The following WWTR1 variants were observed in gnomAD, a reference collection of about 807,000 sequenced individuals.
WWTR1 encodes the protein WW domain containing transcription regulator 1.
In WWTR1, 13 loss-of-function variants were observed where a neutral mutation model predicts 40.1. The observed-to-expected ratio is 0.32, with a 90% CI of 0.21 to 0.52. The LOEUF is 0.52. WWTR1 is among the 20% of genes least tolerant of loss of function. The pLI, the probability that WWTR1 is intolerant of heterozygous loss-of-function variation, is 0.97. For missense variants in WWTR1, 436 were observed against 523.1 expected (o/e 0.83, Z 1.63); for synonymous variants, 230 against 210.1 (o/e 1.09, Z -0.82).
At chr3:149,547,792 C>G (rs1480770189) in intron 3 of WWTR1, among the ~76,000 whole-genome samples, 2 of 148,944 alleles carry the variant, frequency 1.3e-5, no homozygotes, top group African/African-American at 4.9e-5. Context: ...TTATCTTTTT[C>G]TTTTTCATTG....
chr3:149,664,589 CTT>C (rs71916474), intron 2 of WWTR1, among the ~76,000 whole-genome samples: 17 of 139,744 alleles, frequency 1.2e-4, no homozygotes, highest in Non-Finnish European at 9.4e-5. Flanking sequence ...AAGGCACTAT[CTT>C]TTTTTTTTTT....
intron 5 of WWTR1, among the ~76,000 whole-genome samples, chr3:149,711,678 A>C (rs1677982377): frequency 6.6e-6 from 1 of 152,042 alleles, no homozygotes; most frequent in Admixed American, 6.6e-5. Context: ...TTTTCATCTC[A>C]CCTATTTTAT....
At chr3:149,524,327 G>GTTTTTTTT (rs3044124) in intron 6 of WWTR1, among the ~76,000 whole-genome samples, 1 of 139,292 alleles carries the variant, frequency 7.2e-6, no homozygotes, top group Admixed American at 7.3e-5. Context: ...CTCTTTTATG[G>GTTTTTTTT]TTTTTTTTTT....
chr3:149,721,732 C>A (rs1364803895), intron 4 of WWTR1, among the ~76,000 whole-genome samples: 3 of 151,976 alleles, frequency 2.0e-5, no homozygotes, highest in Non-Finnish European at 4.4e-5. Flanking sequence ...AGATCCAGGG[C>A]TTTTCTTTTC....
intron 2 of WWTR1, among the ~76,000 whole-genome samples, chr3:149,574,318 G>A (rs1190985250): frequency 6.6e-6 from 1 of 152,072 alleles, no homozygotes; most frequent in Admixed American, 6.6e-5. Context: ...GGGATTACAG[G>A]CACAAGCCAC....
At chr3:149,588,015 T>C (rs539889365) in intron 2 of WWTR1, among the ~76,000 whole-genome samples, 32 of 152,212 alleles carry the variant, frequency 2.1e-4, no homozygotes, top group Non-Finnish European at 4.1e-4. Flanking sequence ...AAAGCTTTTA[T>C]TCCCAGAAAA....
At chr3:149,717,323 A>AAAAC (rs892453355) in intron 5 of WWTR1, 4 of 152,256 alleles carry the variant, frequency 2.6e-5, no homozygotes, top group South Asian at 2.1e-4. Context: ...AAAAGTTAGC[A>AAAAC]AAACAAACAA....
At chr3:149,534,867 G>A (rs1435607540) in intron 4 of WWTR1, among the ~76,000 whole-genome samples, 1 of 152,168 alleles carries the variant, frequency 6.6e-6, no homozygotes, top group Non-Finnish European at 1.5e-5. Context: ...GTGTAAAATA[G>A]CTGAAGAAGT....
At chr3:149,575,571 T>A (rs1261118663) in intron 2 of WWTR1, among the ~76,000 whole-genome samples, 2 of 152,210 alleles carry the variant, frequency 1.3e-5, no homozygotes, top group Admixed American at 1.3e-4. Flanking sequence ...CGGTGAGATG[T>A]GGAAATATAC....
At chr3:149,584,911 C>A (rs1164236136) in intron 2 of WWTR1, among the ~76,000 whole-genome samples, 1 of 152,038 alleles carries the variant, frequency 6.6e-6, no homozygotes, top group Non-Finnish European at 1.5e-5. Context: ...AGCACAGTGC[C>A]GGATATGCAT....
chr3:149,621,152 C>T (rs1740247313), intron 2 of WWTR1, among the ~76,000 whole-genome samples: 1 of 152,154 alleles, frequency 6.6e-6, no homozygotes, highest in Admixed American at 6.5e-5. Flanking sequence ...TTGAAGTATA[C>T]TAAATATGGC....
chr3:149,698,392 A>G (rs972278812), intron 1 of WWTR1, among the ~76,000 whole-genome samples: 1 of 152,224 alleles, frequency 6.6e-6, no homozygotes, highest in Admixed American at 6.5e-5. Context: ...CACTTCTGCC[A>G]TGATTGTAAG....
intron 2 of WWTR1, among the ~76,000 whole-genome samples, chr3:149,580,343 C>T (rs556235585): frequency 4.3e-4 from 65 of 152,206 alleles, no homozygotes; most frequent in Non-Finnish European, 8.5e-4. Flanking sequence ...CTTACTAATT[C>T]TCCCAGGCCC....
At chr3:149,633,131 G>A (rs1392589188) in intron 2 of WWTR1, among the ~76,000 whole-genome samples, 1 of 152,242 alleles carries the variant, frequency 6.6e-6, no homozygotes, top group Non-Finnish European at 1.5e-5. Context: ...GCTCACGTCT[G>A]TAATCCCAGC....
upstream of WWTR1, among the ~76,000 whole-genome samples, chr3:149,662,308 T>C (rs544636742): frequency 6.6e-6 from 1 of 152,288 alleles, no homozygotes; most frequent in East Asian, 1.9e-4. Flanking sequence ...TGTGATACTT[T>C]TTGTCTGACT....
intron 1 of WWTR1, among the ~76,000 whole-genome samples, chr3:149,679,778 T>C (rs1413408629): frequency 6.6e-6 from 1 of 152,078 alleles, no homozygotes; most frequent in Admixed American, 6.6e-5. Flanking sequence ...GGTGGAATAA[T>C]GATATACTTT....
intron 2 of WWTR1, among the ~76,000 whole-genome samples, chr3:149,587,459 A>G (rs1738482574): frequency 6.6e-6 from 1 of 152,218 alleles, no homozygotes. Context: ...AAGCGCCGGC[A>G]GATGATTCCT....
rs10718466 is a variant in WWTR1 at position 149,638,639 on chromosome 3, T to TA, written c.431+18236dup. ...TCTCTCCATCCTTCTTAGTGTAAGTTAAAAAAAAAAAATCAATGCCGCAAG... is the reference window on the plus strand; with the variant it reads ...TCTCTCCATCCTTCTTAGTGTAAGTTAAAAAAAAAAAAATCAATGCCGCAAG... On this transcript the variant is annotated intron_variant, in intron 2 of 6. Coordinates refer to ENST00000360632, the MANE Select transcript of WWTR1 (RefSeq NM_015472.6). Among the ~76,000 whole-genome samples the TA allele has an allele frequency of 1.2e-3, 173 of 146,642 alleles. No individual in the cohort carries two copies. The South Asian group carries it at 0.015, about 13-fold the overall frequency.
chr3:149,620,349 T>C (rs1740209410), intron 2 of WWTR1, among the ~76,000 whole-genome samples: 2 of 152,178 alleles, frequency 1.3e-5, no homozygotes. Flanking sequence ...CTGGATCTTT[T>C]TGGAACCTCT....
Sources: gnomAD v4.1 joint callset for allele counts (sites outside exome capture counted in the v4.1 genomes callset) on GRCh38, gnomAD v4.1.1 for gene constraint, MANE v1.5 for transcripts, NCBI Gene and HGNC (gene_info 2026-07-23, HGNC 2026-07-21) for gene names.